The following SMAD2 variants were observed in gnomAD, a reference collection of about 807,000 sequenced individuals.
The protein encoded by SMAD2 is SMAD family member 2, also known as MAD homolog 2.
In SMAD2, 8 loss-of-function variants were observed where a neutral mutation model predicts 64.4. That is an observed-to-expected ratio of 0.12 (90% confidence interval 0.07 to 0.22). The LOEUF (loss-of-function observed/expected upper bound fraction) is 0.22. SMAD2 is among the 10% of genes least tolerant of loss of function. SMAD2 has a pLI of 1.00. For missense variants in SMAD2, 289 were observed against 561.2 expected, an observed-to-expected ratio of 0.51 and a Z score of 4.90; for synonymous variants, 203 against 195.8, an observed-to-expected ratio of 1.04 and a Z score of -0.31.
chr18:47,924,076 C>T (rs2034665268), intron 1 of SMAD2, among the ~76,000 whole-genome samples: 1 of 151,838 alleles, frequency 6.6e-6, no homozygotes, highest in African/African-American at 2.4e-5. Context: ...TGGTGAAACC[C>T]CGTTTCTATT....
intron 10 of SMAD2, among the ~76,000 whole-genome samples, chr18:47,843,836 G>C (rs922971612): frequency 6.6e-6 from 1 of 152,086 alleles, no homozygotes; most frequent in African/African-American, 2.4e-5. Flanking sequence ...GAATGAAGAA[G>C]GGCAGTATCT....
At chr18:47,899,300 G>C (rs16958610) in intron 1 of SMAD2, among the ~76,000 whole-genome samples, 8,573 of 152,152 alleles carry the variant, frequency 0.056, 631 homozygotes, top group East Asian at 0.21. Flanking sequence ...TAAGCAGCTA[G>C]AAACAAAGGT....
intron 1 of SMAD2, among the ~76,000 whole-genome samples, chr18:47,906,220 T>C (rs1229001327): frequency 2.0e-5 from 3 of 151,688 alleles, no homozygotes; most frequent in African/African-American, 4.8e-5. Context: ...ACTTCTTGAG[T>C]ACCAACATGA....
chr18:47,886,519 C>T (rs2032905969), intron 2 of SMAD2, among the ~76,000 whole-genome samples: 1 of 152,086 alleles, frequency 6.6e-6, no homozygotes, highest in Non-Finnish European at 1.5e-5. Flanking sequence ...TTCATTGCCC[C>T]CAAACCCCGT....
In SMAD2 at chr18:47,816,534, G is replaced by A. The variant is rs1045899047; in HGVS notation, c.*25293C>T. 6.6e-6 allele frequency: 1 copy of A among 152,096 alleles called. No individual in the cohort carries two copies. Among genetic ancestry groups the A allele is most frequent in the African/African-American group, 2.4e-5 (1 of 41,408 alleles). The allele number at this position is 152,096 out of a possible 1,614,324, so 9.4% of individuals were successfully genotyped here. ...TTCTATGTACTGTGAAAGCTTTTGG[G>A]AAAATAAAGCAGCTTGTGTTACAAA... On this transcript the variant is annotated 3_prime_UTR_variant, in exon 11 of 11. Transcript: ENST00000262160.
At chr18:47,870,678 A>G (rs1177582778) in intron 2 of SMAD2, 114 bp from the exon 3 acceptor site, 5 of 787,610 alleles carry the variant, frequency 6.3e-6, no homozygotes, top group Non-Finnish European at 1.1e-5. Flanking sequence ...CCCAGAAAAT[A>G]TACAATTGCT....
At position 47,831,573 on chromosome 18, in the gene SMAD2, T is replaced by C. The variant is rs1037140671; in HGVS notation, c.*10254A>G. The C allele has an allele frequency of 2.0e-5, 3 of 152,256 alleles. No individual in the cohort carries two copies. Among genetic ancestry groups the C allele is most frequent in the African/African-American group, 7.2e-5 (3 of 41,476 alleles). The allele number at this position is 152,256 out of a possible 1,614,324, so 9.4% of individuals were successfully genotyped here. A position where few individuals can be genotyped will look rare whatever the true frequency, so the allele number is the denominator to read the frequency against. The stretch of plus-strand genomic sequence containing the variant: ...AAATCCCCATCTCAAATTCCATTTA[T>C]TCTATAACCAATAAAGTCATGCAGT... On this transcript the variant is annotated 3_prime_UTR_variant, in exon 11 of 11. Transcript: ENST00000262160.
At position 47,830,206 on chromosome 18, in the gene SMAD2, AG is replaced by A. The variant is rs1310411620; in HGVS notation, c.*11620del. On this transcript the variant is annotated 3_prime_UTR_variant, in exon 11 of 11. Transcript: ENST00000262160. ...TTCTTGGGTAAAACAGACACTAATA[AG>A]TTTTTTTTCAATATAAAAGAGCAAC... 5.9e-5 allele frequency: 9 copies of A among 152,164 alleles called. No individual in the cohort carries two copies. The highest frequency in any genetic ancestry group is 2.2e-4 in the African/African-American group (9 of 41,432). 9.4% of individuals were successfully genotyped at this position (152,164 alleles called of 1,614,324 possible). A position where few individuals can be genotyped will look rare whatever the true frequency, so the allele number is the denominator to read the frequency against.
In SMAD2 at chr18:47,930,397, G is replaced by C. The variant is rs1314197066; in HGVS notation, c.-90C>G. On this transcript the variant is annotated 5_prime_UTR_variant, in exon 1 of 11. Transcript: ENST00000262160. ...CGCCAGGTCCCGCCCCGTCAGATCC[G>C]GGGGGTCCGGGACCTTTTGTTCCTT... 1.3e-5 allele frequency: 2 copies of C among 152,214 alleles called. No homozygotes were observed. Among genetic ancestry groups the C allele is most frequent in the African/African-American group, 2.4e-5 (1 of 41,410 alleles). The allele number at this position is 152,214 out of a possible 1,614,324, so 9.4% of individuals were successfully genotyped here. A position where few individuals can be genotyped will look rare whatever the true frequency, so the allele number is the denominator to read the frequency against.
At chr18:47,886,923 C>CAAAAAAAAAAAAAAAAAAAAAAAAAAAAA (rs11432634) in intron 2 of SMAD2, 1 of 126,456 alleles carries the variant, frequency 7.9e-6, no homozygotes, top group Non-Finnish European at 1.7e-5. Flanking sequence ...TGATTATATG[C>CAAAAAAAAAAAAAAAAAAAAAAAAAAAAA]AAAAAAAAAA....
intron 6 of SMAD2, among the ~76,000 whole-genome samples, chr18:47,860,895 A>G (rs1157760150): frequency 6.6e-6 from 1 of 152,184 alleles, no homozygotes; most frequent in Non-Finnish European, 1.5e-5. Flanking sequence ...ATCAGATACA[A>G]TCTCCAAAAT....
Position 47,896,741 on chromosome 18 carries a change from G to A in SMAD2, c.16C>T (p.Pro6Ser), listed in dbSNP as rs1170786282. 1 of 1,613,900 alleles carries A rather than the reference G, an allele frequency of 6.2e-7. No homozygotes were observed. The highest frequency in any genetic ancestry group is 8.5e-7 in the Non-Finnish European group (1 of 1,179,928). Residue 6 changes from proline to serine, a missense_variant, in exon 2 of 11, where the codon CCA (proline) becomes TCA (serine). Around this residue, in one of 6 missense-constraint regions of SMAD2, gnomAD observed 89 missense variants for 137.1 expected, o/e 0.65. Coordinates refer to ENST00000262160, the MANE Select transcript of SMAD2 (RefSeq NM_005901.6). MSSILPFTPPVVKRLL... is the reference protein window; with the variant it reads MSSILSFTPPVVKRLL... ...CTCTTCACAACTGGCGGCGTGAATG[G>A]CAAGATGGACGACATGTTCTTACCA...
At chr18:47,864,450 C>T (rs1167627329) in intron 6 of SMAD2, among the ~76,000 whole-genome samples, 1 of 152,146 alleles carries the variant, frequency 6.6e-6, no homozygotes, top group African/African-American at 2.4e-5. Flanking sequence ...AAGATACAGA[C>T]AGGTAAAATG....
chr18:47,877,480 G>T (rs971273340), intron 2 of SMAD2, among the ~76,000 whole-genome samples: 6 of 151,952 alleles, frequency 3.9e-5, no homozygotes, highest in Admixed American at 3.9e-4. Flanking sequence ...ATTTTTTTAA[G>T]TCTCCATAAT....
intron 7 of SMAD2, among the ~76,000 whole-genome samples, chr18:47,850,239 T>TTATATATTATATATATTATGTATAA (rs1915030800): frequency 1.6e-5 from 1 of 62,582 alleles, no homozygotes; most frequent in Non-Finnish European, 2.8e-5. Context: ...ATATTATATA[T>TTATATATTATATATATTATGTATAA]TATATATTAT....
intron 6 of SMAD2, among the ~76,000 whole-genome samples, chr18:47,856,629 T>C (rs2144335956): frequency 6.6e-6 from 1 of 152,200 alleles, no homozygotes; most frequent in African/African-American, 2.4e-5. Context: ...CTCCCCCATG[T>C]CACCTAAAAC....
chr18:47,902,284 C>T (rs1259869248), intron 1 of SMAD2, among the ~76,000 whole-genome samples: 1 of 152,140 alleles, frequency 6.6e-6, no homozygotes, highest in Non-Finnish European at 1.5e-5. Flanking sequence ...TTTTTACACC[C>T]ATTGTTCTCT....
chr18:47,899,369 T>C (rs754437562), intron 1 of SMAD2, among the ~76,000 whole-genome samples: 28 of 150,168 alleles, frequency 1.9e-4, no homozygotes, highest in Non-Finnish European at 2.8e-4. Context: ...TGCTGGTATA[T>C]GGGAGAGCTC....
intron 1 of SMAD2, among the ~76,000 whole-genome samples, chr18:47,913,560 G>T (rs571064431): frequency 6.6e-6 from 1 of 152,186 alleles, no homozygotes; most frequent in Admixed American, 6.5e-5. Flanking sequence ...AACATTTGTT[G>T]TAAGTAATGC....
Sources: gnomAD v4.1 joint callset for allele counts (sites outside exome capture counted in the v4.1 genomes callset) on GRCh38, gnomAD v4.1.1 for gene constraint, gnomAD v4.1.1 regional missense constraint, MANE v1.5 for transcripts, NCBI Gene and HGNC (gene_info 2026-07-23, HGNC 2026-07-21) for gene names.